Variants in RP1 observed in about 807,000 individuals in gnomAD.
RP1 encodes oxygen-regulated protein 1.
Under a neutral mutation model 14.8 loss-of-function variants are expected in RP1, and 16 were observed. The ratio of observed to expected loss-of-function variants is 1.08; its 90% confidence interval spans 0.73 to 1.65. The LOEUF (loss-of-function observed/expected upper bound fraction) is 1.65. Among genes scored for constraint, RP1 ranks in the 40% most tolerant of loss-of-function variants. The pLI is 0.00. For missense variants in RP1, 2,631 were observed against 2,535.0 expected (o/e 1.04, Z -0.81); for synonymous variants, 876 against 883.6 (o/e 0.99, Z 0.15).
chr8:54,697,850 G>A (rs190157926), intron 12 of RP1, among the ~76,000 whole-genome samples: 1 of 152,164 alleles, frequency 6.6e-6, no homozygotes, highest in Non-Finnish European at 1.5e-5. Context: ...GTAGAAAGCC[G>A]AAACTGGATC....
At chr8:54,729,263 C>T (rs1184701662) in intron 17 of RP1, among the ~76,000 whole-genome samples, 1 of 152,132 alleles carries the variant, frequency 6.6e-6, no homozygotes, top group African/African-American at 2.4e-5. Context: ...TGTGCATGGG[C>T]ACTTGAACAG....
At chr8:54,797,792 T>C (rs1415523922) in intron 24 of RP1, among the ~76,000 whole-genome samples, 1 of 152,060 alleles carries the variant, frequency 6.6e-6, no homozygotes, top group Non-Finnish European at 1.5e-5. Context: ...TTAATATGTA[T>C]ATAACTGTGT....
intron 24 of RP1, among the ~76,000 whole-genome samples, chr8:54,793,299 A>T (rs1810511746): frequency 6.6e-6 from 1 of 151,912 alleles, no homozygotes; most frequent in South Asian, 2.1e-4. Flanking sequence ...AAAAATCTAA[A>T]GTGGAGGGAA....
intron 7 of RP1, among the ~76,000 whole-genome samples, chr8:54,666,050 T>C (rs543724306): frequency 2.2e-4 from 34 of 152,144 alleles, no homozygotes. Context: ...CTCCTACAGC[T>C]AGGTGGTTTA....
At chr8:54,633,274 C>A (rs1172787567), downstream of RP1, among the ~76,000 whole-genome samples, 1 of 152,142 alleles carries the variant, frequency 6.6e-6, no homozygotes, top group Non-Finnish European at 1.5e-5. Context: ...CAAGAATCAT[C>A]AGAGTTGATT....
intron 22 of RP1, among the ~76,000 whole-genome samples, chr8:54,767,899 T>A (rs1003821984): frequency 5.3e-5 from 8 of 152,230 alleles, no homozygotes; most frequent in African/African-American, 1.9e-4. Flanking sequence ...AAATGGGATT[T>A]CTCATAGCTT....
intron 23 of RP1, among the ~76,000 whole-genome samples, chr8:54,780,393 A>G (rs1241707308): frequency 6.6e-6 from 1 of 152,208 alleles, no homozygotes; most frequent in Non-Finnish European, 1.5e-5. Context: ...TTGATCATCG[A>G]ACTCACTTCT....
chr8:54,730,293 T>C (rs1171483889), intron 17 of RP1, among the ~76,000 whole-genome samples: 2 of 152,114 alleles, frequency 1.3e-5, no homozygotes, highest in Admixed American at 1.3e-4. Context: ...TTCTTATATG[T>C]ATATAAATAT....
At chr8:54,586,491 G>T (rs28842769) in intron 1 of RP1, among the ~76,000 whole-genome samples, 3,425 of 152,308 alleles carry the variant, frequency 0.022, 131 homozygotes, top group African/African-American at 0.078. Flanking sequence ...ATCTCCAGTT[G>T]TGTGCTGGGA....
intron 18 of RP1, among the ~76,000 whole-genome samples, chr8:54,735,949 G>A (rs1312122799): frequency 6.6e-6 from 1 of 152,106 alleles, no homozygotes; most frequent in Non-Finnish European, 1.5e-5. Flanking sequence ...AGTCTTGATT[G>A]CACATTGGAA....
chr8:54,804,546 TA>T (rs141428596), intron 24 of RP1, among the ~76,000 whole-genome samples: 4,381 of 149,960 alleles, frequency 0.029, 119 homozygotes, highest in African/African-American at 0.065. Context: ...TCAAAAAGGC[TA>T]AAAAAAAATG....
chr8:54,786,129 T>C (rs1226014291), intron 24 of RP1, among the ~76,000 whole-genome samples: 1 of 152,126 alleles, frequency 6.6e-6, no homozygotes, highest in Non-Finnish European at 1.5e-5. Flanking sequence ...TACCTTCTAG[T>C]GTTCTTTCAA....
At chr8:54,776,772 T>C (rs1368585202) in intron 23 of RP1, among the ~76,000 whole-genome samples, 1 of 152,156 alleles carries the variant, frequency 6.6e-6, no homozygotes, top group Non-Finnish European at 1.5e-5. Context: ...ACAGGGAACC[T>C]AGGGCACCTG....
intron 1 of RP1, among the ~76,000 whole-genome samples, chr8:54,618,921 A>G (rs936874872): frequency 6.6e-6 from 1 of 152,228 alleles, no homozygotes; most frequent in East Asian, 1.9e-4. Flanking sequence ...TTGGCCTCCC[A>G]AAGTGCTGGG....
At chr8:54,770,278 A>G (rs1350572046), downstream of RP1, 1 of 395,694 alleles carries the variant, frequency 2.5e-6, no homozygotes, top group Admixed American at 4.4e-5. Context: ...GAGTTTAACT[A>G]TTGATTGAAA....
intron 25 of RP1, among the ~76,000 whole-genome samples, chr8:54,841,639 A>G (rs1433886128): frequency 6.6e-6 from 1 of 152,184 alleles, no homozygotes; most frequent in Non-Finnish European, 1.5e-5. Flanking sequence ...AGCTTGTTTC[A>G]TGCCTTTCTC....
chr8:54,674,525 AGG>A (rs370120456), intron 8 of RP1, among the ~76,000 whole-genome samples: 1,006 of 96,452 alleles, frequency 0.01, 15 homozygotes, highest in African/African-American at 0.027. Context: ...AAAAAAAAAA[AGG>A]AAAAAAAAAC....
At chr8:54,762,318 T>C (rs369104388) in intron 22 of RP1, among the ~76,000 whole-genome samples, 76 of 152,126 alleles carry the variant, frequency 5.0e-4, no homozygotes, top group African/African-American at 1.8e-3. Context: ...GGGGAAATGC[T>C]TAGGTGAGAC....
chr8:54,626,100 T>C lies in RP1; in HGVS notation c.2218T>C (p.Ser740Pro). The stretch of plus-strand genomic sequence containing the variant: ...CCAGAAAAGTGATACTGTAATTGAA[T>C]CAAATACTTTTTGTTCCAAAAGTAA... ...DLQKSDTVIESNTFCSKSNLN... is the reference protein window; with the variant it reads ...DLQKSDTVIEPNTFCSKSNLN... The change falls in exon 4 of 4, where the codon TCA becomes CCA. Residue 740 changes from serine to proline, a missense_variant. Physicochemically the swap from Ser to Pro is moderately conservative, Grantham distance 74. Transcript: ENST00000220676. 6.2e-7 allele frequency: 1 copy of C among 1,613,462 alleles called. No individual in the cohort carries two copies. Among genetic ancestry groups the C allele is most frequent in the Non-Finnish European group, 8.5e-7 (1 of 1,179,716 alleles).
Sources: gnomAD v4.1 joint callset for allele counts (sites outside exome capture counted in the v4.1 genomes callset) on GRCh38, gnomAD v4.1.1 for gene constraint, MANE v1.5 for transcripts, NCBI Gene and HGNC (gene_info 2026-07-23, HGNC 2026-07-21) for gene names.